Variants in DNMT1 observed in about 807,000 individuals in gnomAD.
The protein encoded by DNMT1 is DNA (cytosine-5)-methyltransferase 1.
A neutral mutation model predicts 205.3 loss-of-function variants in DNMT1; 24 were observed. That is an observed-to-expected ratio of 0.12 (90% confidence interval 0.08 to 0.16). DNMT1 has a LOEUF of 0.16. Ranked by LOEUF, DNMT1 falls within the 10% of genes least tolerant of loss-of-function variation. DNMT1 has a pLI of 1.00. For synonymous variants in DNMT1, 817 were observed against 839.8 expected (o/e 0.97, Z 0.47); for missense variants, 1,293 against 2,177.7 (o/e 0.59, Z 8.09).
Position 10,146,017 on chromosome 19 carries a change from C to T in DNMT1, c.2894+334G>A, listed in dbSNP as rs867231300. 5.3e-5 allele frequency among the ~76,000 whole-genome samples: 8 copies of T among 151,912 alleles called. No individual in the cohort carries two copies. Among genetic ancestry groups the T allele is most frequent in the Admixed American group, 2.6e-4 (4 of 15,212 alleles). ...CTAATTTTTGTATTTTTAGTAGAGACGAGGTTTCACCATGTTGGCCAGGCT... is the reference window on the plus strand; with the variant it reads ...CTAATTTTTGTATTTTTAGTAGAGATGAGGTTTCACCATGTTGGCCAGGCT... On this transcript the variant is annotated intron_variant, in intron 28 of 40. Transcript: ENST00000359526. The surrounding 1 kb of genome is among the most constrained non-coding windows in gnomAD (Gnocchi z 4.4).
At chr19:10,182,992 T>C (rs1431226503) in intron 1 of DNMT1, among the ~76,000 whole-genome samples, 1 of 151,090 alleles carries the variant, frequency 6.6e-6, no homozygotes, top group Non-Finnish European at 1.5e-5. Context: ...CGTATATATA[T>C]ACACGTATAT....
chr19:10,147,945 C>T (rs2038233693), intron 27 of DNMT1, among the ~76,000 whole-genome samples: 1 of 151,090 alleles, frequency 6.6e-6, no homozygotes, highest in Non-Finnish European at 1.5e-5. Flanking sequence ...GAAACCCCAT[C>T]TCTACTAAAA....
chr19:10,188,597 T>C (rs1190359529), intron 1 of DNMT1, among the ~76,000 whole-genome samples: 1 of 152,070 alleles, frequency 6.6e-6, no homozygotes, highest in Non-Finnish European at 1.5e-5. Flanking sequence ...CCTGTGAATA[T>C]ATTACTTTAC....
chr19:10,179,655 G>GC (rs1419473219), intron 5 of DNMT1, among the ~76,000 whole-genome samples: 2 of 152,112 alleles, frequency 1.3e-5, no homozygotes, highest in East Asian at 3.8e-4. Flanking sequence ...AAGTTTAACT[G>GC]CCCCCTTATA....
intron 9 of DNMT1, among the ~76,000 whole-genome samples, chr19:10,172,346 C>T (rs563044658): frequency 7.6e-5 from 11 of 144,460 alleles, no homozygotes; most frequent in East Asian, 6.2e-4. Flanking sequence ...GCAGAGGTTG[C>T]GGTGAGACAA....
rs1211213396 is a variant in DNMT1 at position 10,146,043 on chromosome 19, G to GGTCT, written c.2894+304_2894+307dup. On this transcript the variant is annotated intron_variant, in intron 28 of 40. Coordinates refer to ENST00000359526, the MANE Select transcript of DNMT1 (RefSeq NM_001130823.3). The surrounding 1 kb of genome is among the most constrained non-coding windows in gnomAD (Gnocchi z 4.4). ...GAGGTTTCACCATGTTGGCCAGGCT[G>GGTCT]GTCTCAGACTCCTGACCTCAGATGA... Among the ~76,000 whole-genome samples the GGTCT allele has an allele frequency of 1.3e-5, 2 of 152,090 alleles. No individual in the cohort carries two copies. The highest frequency in any genetic ancestry group is 2.9e-5 in the Non-Finnish European group (2 of 68,034).
Position 10,173,858 on chromosome 19 carries a change from T to C in DNMT1, c.683+13A>G, listed in dbSNP as rs965110050. 1 of 1,613,472 alleles carries C rather than the reference T, an allele frequency of 6.2e-7. No homozygotes were observed. The highest frequency in any genetic ancestry group is 8.5e-7 in the Non-Finnish European group (1 of 1,179,560). Reference sequence around the variant, plus strand: ...TCGTAGAACAAAAAGAAAGGTATAGTAACTATTCTTACCGTTCTCTGGATG... The same window carrying C: ...TCGTAGAACAAAAAGAAAGGTATAGCAACTATTCTTACCGTTCTCTGGATG... On this transcript the variant is annotated intron_variant, in intron 8 of 40. Coordinates refer to ENST00000359526, the MANE Select transcript of DNMT1 (RefSeq NM_001130823.3).
rs2039054455 is a variant in DNMT1, at chr19:10,181,969, A to G, written c.117+72T>C. ...ATGCAAAATCCATTTAAAGAAAACA[A>G]ATTTCTTTTTATGAGCCACAAAGTG... On this transcript the variant is annotated intron_variant, in intron 2 of 40. Coordinates refer to ENST00000359526, the MANE Select transcript of DNMT1 (RefSeq NM_001130823.3). The G allele has an allele frequency of 2.9e-6, 4 of 1,387,344 alleles. No individual in the cohort carries two copies. The African/African-American group carries it at 5.7e-5, about 20-fold the overall frequency. 85.9% of individuals were successfully genotyped at this position (1,387,344 alleles called of 1,614,324 possible).
chr19:10,173,357 T>G (rs1049531218), intron 8 of DNMT1, among the ~76,000 whole-genome samples, 183 bp from the exon 9 acceptor site: 1 of 152,208 alleles, frequency 6.6e-6, no homozygotes, highest in Non-Finnish European at 1.5e-5. Flanking sequence ...GAATGCCAGC[T>G]GCCCTCGATT....
intron 1 of DNMT1, among the ~76,000 whole-genome samples, chr19:10,189,389 G>C (rs1316243643): frequency 6.6e-6 from 1 of 151,598 alleles, no homozygotes; most frequent in African/African-American, 2.4e-5. Flanking sequence ...CCAAAGTGCT[G>C]GGATTACAGG....
intron 11 of DNMT1, 121 bp downstream of exon 11, chr19:10,166,477 C>T: frequency 1.7e-6 from 2 of 1,209,910 alleles, no homozygotes; most frequent in South Asian, 2.5e-5. Context: ...CTGGATGGCC[C>T]CATGGAGCCT....
At chr19:10,141,709 G>T (rs1237743057) in intron 30 of DNMT1, 2 of 384,264 alleles carry the variant, frequency 5.2e-6, no homozygotes, top group African/African-American at 4.1e-5. Flanking sequence ...ACACCAGTCA[G>T]GCTGGTGGAA....
intron 22 of DNMT1, among the ~76,000 whole-genome samples, chr19:10,152,758 T>TCAACAA (rs372179811): frequency 1.3e-4 from 20 of 150,752 alleles, no homozygotes; most frequent in East Asian, 5.8e-4. Flanking sequence ...GAGACCCATC[T>TCAACAA]CAACAACAAC....
intron 1 of DNMT1, chr19:10,184,539 G>A (rs1026401180): frequency 1.3e-5 from 2 of 152,216 alleles, no homozygotes; most frequent in Admixed American, 1.3e-4. Context: ...GTGCAGTGCC[G>A]CGGTGCTGCG....
At chr19:10,176,585 C>T (rs1038445799) in intron 6 of DNMT1, among the ~76,000 whole-genome samples, 5 of 152,148 alleles carry the variant, frequency 3.3e-5, no homozygotes, top group South Asian at 2.1e-4. Context: ...TGGCTGGGCA[C>T]GGTGGCTCAC....
chr19:10,150,980 A>G (rs4804489), intron 24 of DNMT1, among the ~76,000 whole-genome samples: 18,410 of 152,188 alleles, frequency 0.12, 1,574 homozygotes, highest in East Asian at 0.4. Flanking sequence ...CTGTAATCTC[A>G]GCTATTCAGG....
intron 27 of DNMT1, among the ~76,000 whole-genome samples, chr19:10,148,116 C>CAAAAAAAAAAAAAAAAAAAAATAA (rs2038239870): frequency 3.4e-5 from 2 of 59,292 alleles, no homozygotes; most frequent in Non-Finnish European, 6.2e-5. Flanking sequence ...AACTCTGTCT[C>CAAAAAAAAAAAAAAAAAAAAATAA]AAAAAAAAAA....
chr19:10,168,242 T>C, intron 10 of DNMT1, 88 bp downstream of exon 10: 1 of 1,513,212 alleles, frequency 6.6e-7, no homozygotes, highest in Non-Finnish European at 9.2e-7. Context: ...GTGCCCACTG[T>C]TCCACACCAA....
In DNMT1 at chr19:10,161,149, A is replaced by G. The variant is rs143481665; in HGVS notation, c.1009-731T>C. On this transcript the variant is annotated intron_variant, in intron 13 of 40. Coordinates refer to ENST00000359526, the MANE Select transcript of DNMT1 (RefSeq NM_001130823.3). The stretch of plus-strand genomic sequence containing the variant: ...GTGAAACCCTGTCTCTACTAAAAAT[A>G]CAAAAATTAGTTGGGCGCGGTGGCG... 2.4e-3 allele frequency among the ~76,000 whole-genome samples: 358 copies of G among 152,250 alleles called. 1 individual carries two copies. Among genetic ancestry groups the G allele is most frequent in the African/African-American group, 8.4e-3 (347 of 41,544 alleles).
Sources: gnomAD v4.1 joint callset for allele counts (sites outside exome capture counted in the v4.1 genomes callset) on GRCh38, gnomAD v4.1.1 for gene constraint, Gnocchi (gnomAD v3.1) non-coding constraint, MANE v1.5 for transcripts, NCBI Gene and HGNC (gene_info 2026-07-23, HGNC 2026-07-21) for gene names.